HIF3A: variants seen among roughly 807,000 people sequenced by gnomAD.
HIF3A encodes hypoxia inducible factor 3 subunit alpha, also known as hypoxia-inducible factor 3-alpha.
In HIF3A, 41 loss-of-function variants were observed where a neutral mutation model predicts 67.2. The observed-to-expected ratio is 0.61, with a 90% CI of 0.48 to 0.79. HIF3A has a LOEUF of 0.79. HIF3A is among the 30% of genes least tolerant of loss of function. HIF3A has a pLI of 0.00. For missense variants in HIF3A, 855 were observed against 898.0 expected (o/e 0.95, Z 0.61); for synonymous variants, 356 against 374.8 (o/e 0.95, Z 0.58).
intron 14 of HIF3A, chr19:46,338,227 G>A (rs1488845400): frequency 2.2e-6 from 1 of 453,954 alleles, no homozygotes; most frequent in African/African-American, 2.0e-5. Context: ...TTTGAGATAG[G>A]TTTTCACTTT....
At chr19:46,308,114 A>G in intron 3 of HIF3A, 107 bp from the exon 4 acceptor site, 2 of 793,878 alleles carry the variant, frequency 2.5e-6, no homozygotes, top group Admixed American at 1.8e-5. Flanking sequence ...GAATGGGGAG[A>G]CTGGTGAAAT....
At chr19:46,312,435 C>T in intron 7 of HIF3A, 71 bp from the exon 8 acceptor site, 1 of 1,599,508 alleles carries the variant, frequency 6.3e-7, no homozygotes. Context: ...CCCCTCATAC[C>T]CAGTCCCCAG....
At chr19:46,299,574 T>C (rs1234509944) in intron 1 of HIF3A, among the ~76,000 whole-genome samples, 3 of 151,716 alleles carry the variant, frequency 2.0e-5, no homozygotes, top group Middle Eastern at 3.2e-3. Context: ...TAGCCAGGCA[T>C]GGTGGTGAGT....
At chr19:46,316,520 C>T (rs1051405079) in intron 8 of HIF3A, among the ~76,000 whole-genome samples, 5 of 151,362 alleles carry the variant, frequency 3.3e-5, no homozygotes, top group African/African-American at 9.7e-5. Context: ...TACAGCTTTT[C>T]GGTCGTGCGC....
intron 2 of HIF3A, chr19:46,304,967 A>G (rs1254545933): frequency 1.4e-5 from 7 of 512,284 alleles, no homozygotes; most frequent in South Asian, 1.2e-4. Flanking sequence ...CTGTCCTCCT[A>G]GGAGGCCCAC....
intron 8 of HIF3A, among the ~76,000 whole-genome samples, chr19:46,319,777 C>G (rs1249859697): frequency 2.0e-5 from 3 of 151,966 alleles, no homozygotes; most frequent in Non-Finnish European, 4.4e-5. Flanking sequence ...CTCTCTGTTC[C>G]TAGGTCTCCT....
intron 10 of HIF3A, among the ~76,000 whole-genome samples, chr19:46,323,052 T>C (rs1260885048): frequency 6.6e-6 from 1 of 150,732 alleles, no homozygotes; most frequent in African/African-American, 2.4e-5. Flanking sequence ...GGTTTTTTTT[T>C]TGTTGTTTTT....
intron 6 of HIF3A, among the ~76,000 whole-genome samples, 161 bp downstream of exon 6, chr19:46,309,520 CT>C (rs1969242873): frequency 1.3e-5 from 2 of 151,818 alleles, no homozygotes; most frequent in Admixed American, 1.3e-4. Flanking sequence ...TTCTACATGC[CT>C]TTTATATCTT....
chr19:46,303,742 C>A, intron 1 of HIF3A, 156 bp from the exon 2 acceptor site: 3 of 1,524,520 alleles, frequency 2.0e-6, no homozygotes, highest in Non-Finnish European at 2.7e-6. Flanking sequence ...GCCCAGGGAG[C>A]GCCGCGAACT....
chr19:46,313,058 T>G, intron 8 of HIF3A: 1 of 861,024 alleles, frequency 1.2e-6, no homozygotes, highest in Non-Finnish European at 1.4e-6. Context: ...GAAACCAGCC[T>G]GGGCAACATG....
At position 46,343,038 on chromosome 19, in the gene HIF3A, A is replaced by G. The variant is rs569586672; in HGVS notation, c.*3416A>G. On this transcript the variant is annotated 3_prime_UTR_variant, in exon 15 of 15. Transcript: ENST00000377670. ...CTTCTCCAGCCACACAGGCACATGC[A>G]CAGGCACGGTGCTGTCTGCATATTG... 1.3e-5 allele frequency: 2 copies of G among 152,794 alleles called. No homozygotes were observed. The highest frequency in any genetic ancestry group is 2.9e-5 in the Non-Finnish European group (2 of 68,076). The allele number at this position is 152,794 out of a possible 1,614,324, so 9.5% of individuals were successfully genotyped here. A position where few individuals can be genotyped will look rare whatever the true frequency, so the allele number is the denominator to read the frequency against.
chr19:46,310,904 C>G (rs1390032884), intron 6 of HIF3A, among the ~76,000 whole-genome samples: 1 of 152,082 alleles, frequency 6.6e-6, no homozygotes, highest in Non-Finnish European at 1.5e-5. Flanking sequence ...GGGCCTGCCA[C>G]CATGCCTGGC....
chr19:46,309,091 C>A (rs993605191), intron 5 of HIF3A, 60 bp from the exon 6 acceptor site: 2 of 1,453,530 alleles, frequency 1.4e-6, no homozygotes, highest in South Asian at 1.2e-5. Flanking sequence ...ATCTTCCAAC[C>A]CCATGGGTGG....
chr19:46,297,135 T>C lies in HIF3A; in HGVS notation c.26+33T>C, dbSNP rs765986977. 4 of 1,052,334 alleles carry C rather than the reference T, an allele frequency of 3.8e-6. No homozygotes were observed. Among genetic ancestry groups the C allele is most frequent in the African/African-American group, 1.7e-5 (1 of 57,856 alleles). 65.2% of individuals were successfully genotyped at this position (1,052,334 alleles called of 1,614,324 possible). On this transcript the variant is annotated intron_variant, in intron 1 of 14. Transcript: ENST00000377670. The surrounding 1 kb of genome is among the most constrained non-coding windows in gnomAD (Gnocchi z 4.5). ...AGTTCGGGGGCAGGAGTTCTGGGAA[T>C]TGGGGGGCTCTCCTCCTGGAGACCC...
At chr19:46,323,849 C>T (rs1309669994) in intron 10 of HIF3A, among the ~76,000 whole-genome samples, 1 of 152,150 alleles carries the variant, frequency 6.6e-6, no homozygotes, top group African/African-American at 2.4e-5. Flanking sequence ...GAGACTTATT[C>T]ACTATCACGA....
Position 46,339,775 on chromosome 19 carries a change from C to T in HIF3A, c.*153C>T. On this transcript the variant is annotated 3_prime_UTR_variant, in exon 15 of 15. Transcript: ENST00000377670. ...CCCACCTCGGGCCTACCTCAGCCCTCACCCCTCTGCCTGCTCCCAATCTGG... is the reference window on the plus strand; with the variant it reads ...CCCACCTCGGGCCTACCTCAGCCCTTACCCCTCTGCCTGCTCCCAATCTGG... 2.1e-6 allele frequency: 1 copy of T among 474,856 alleles called. No individual in the cohort carries two copies. The highest frequency in any genetic ancestry group is 3.3e-5 in the East Asian group (1 of 30,268). 29.4% of individuals were successfully genotyped at this position (474,856 alleles called of 1,614,324 possible). A position where few individuals can be genotyped will look rare whatever the true frequency, so the allele number is the denominator to read the frequency against.
At chr19:46,301,090 G>T (rs2147107691) in intron 1 of HIF3A, among the ~76,000 whole-genome samples, 1 of 152,286 alleles carries the variant, frequency 6.6e-6, no homozygotes, top group South Asian at 2.1e-4. Context: ...AGGCAGGCAG[G>T]ACTGAGGCCC....
At chr19:46,312,036 C>G in intron 6 of HIF3A, 125 bp from the exon 7 acceptor site, 1 of 802,052 alleles carries the variant, frequency 1.2e-6, no homozygotes, top group South Asian at 1.3e-5. Context: ...CCTTTTCTCT[C>G]GGTTACAATC....
In HIF3A at chr19:46,312,277, C is replaced by T; in HGVS notation, c.877+10C>T. 1.9e-6 allele frequency: 3 copies of T among 1,613,924 alleles called. No homozygotes were observed. The highest frequency in any genetic ancestry group is 1.1e-5 in the South Asian group (1 of 91,086). ...AAGAGCATCCACACCTGTATGTATC[C>T]CATTTCCCCAGGTGCGAAGCCAGCT... On this transcript the variant is annotated intron_variant, in intron 7 of 14. Coordinates refer to ENST00000377670, the MANE Select transcript of HIF3A (RefSeq NM_152795.4).
Sources: allele counts gnomAD v4.1 joint callset (sites outside exome capture counted in the v4.1 genomes callset), GRCh38; gene constraint gnomAD v4.1.1; non-coding constraint Gnocchi (gnomAD v3.1); transcripts MANE v1.5; gene names NCBI Gene and HGNC (gene_info 2026-07-23, HGNC 2026-07-21).